Variants in CDK5RAP2 observed in about 807,000 individuals in gnomAD.
The protein encoded by CDK5RAP2 is CDK5 regulatory subunit-associated protein 2.
A neutral mutation model predicts 232.9 loss-of-function variants in CDK5RAP2; 147 were observed. That is an observed-to-expected ratio of 0.63 (90% CI 0.55 to 0.72). The LOEUF is 0.72. Among genes scored for constraint, CDK5RAP2 ranks in the 30% least tolerant of loss-of-function variants. The pLI, the probability that CDK5RAP2 is intolerant of heterozygous loss-of-function variation, is 0.00. For synonymous variants in CDK5RAP2, 833 were observed against 833.7 expected (o/e 1.00, Z 0.01); for missense variants, 2,195 against 2,231.5 (o/e 0.98, Z 0.33).
chr9:120,406,866 A>G (rs2033476912), intron 32 of CDK5RAP2, 146 bp downstream of exon 32: 3 of 657,176 alleles, frequency 4.6e-6, no homozygotes, highest in East Asian at 2.6e-5. Flanking sequence ...ATTAGCAGTC[A>G]GGTCCCCTGG....
chr9:120,432,321 G>A (rs2035329554), intron 25 of CDK5RAP2, among the ~76,000 whole-genome samples: 1 of 152,106 alleles, frequency 6.6e-6, no homozygotes, highest in African/African-American at 2.4e-5. Context: ...GAATAAAAAA[G>A]GTCTGGGCAT....
chr9:120,560,558 T>C (rs1336171932), intron 3 of CDK5RAP2, among the ~76,000 whole-genome samples: 3 of 152,340 alleles, frequency 2.0e-5, no homozygotes, highest in African/African-American at 4.8e-5. Flanking sequence ...CATGAAGTCA[T>C]CAATTTTTAA....
At chr9:120,483,529 C>T (rs1418290646) in intron 14 of CDK5RAP2, among the ~76,000 whole-genome samples, 1 of 152,220 alleles carries the variant, frequency 6.6e-6, no homozygotes, top group Non-Finnish European at 1.5e-5. Flanking sequence ...AGTCTGCTCC[C>T]AGTCAATATT....
At chr9:120,476,902 C>T (rs1258972425) in intron 15 of CDK5RAP2, among the ~76,000 whole-genome samples, 2 of 152,138 alleles carry the variant, frequency 1.3e-5, no homozygotes, top group African/African-American at 2.4e-5. Context: ...GATAGGGAGA[C>T]TTGCTTGAGT....
At chr9:120,527,309 T>G (rs2040947537) in intron 10 of CDK5RAP2, among the ~76,000 whole-genome samples, 1 of 152,176 alleles carries the variant, frequency 6.6e-6, no homozygotes, top group African/African-American at 2.4e-5. Flanking sequence ...ATCTCAATTT[T>G]CTGTTATCCT....
rs999893597 is a variant in CDK5RAP2, at chr9:120,415,042, T to C, written c.4295A>G (p.Gln1432Arg). 13 of 1,614,046 alleles carry C rather than the reference T, an allele frequency of 8.1e-6. No individual in the cohort carries two copies. In the Admixed American group the frequency reaches 1.7e-4, roughly 21 times the overall value. ...QLERQGSEFVQGSTSIFASGS... is the reference protein window; with the variant it reads ...QLERQGSEFVRGSTSIFASGS... ...CCTCCAGGAAGGTCTTTCCTTACCT[T>C]GAACAAATTCAGATCCTTGCCGTTC... Residue 1432 changes from glutamine (Q) to arginine (R), a missense_variant and splice_region_variant, in exon 28 of 38, where the codon CAA (glutamine) becomes CGA (arginine). Coordinates refer to ENST00000349780, the MANE Select transcript of CDK5RAP2 (RefSeq NM_018249.6).
intron 29 of CDK5RAP2, among the ~76,000 whole-genome samples, chr9:120,410,053 T>G (rs1050325980): frequency 1.3e-5 from 2 of 152,180 alleles, no homozygotes; most frequent in Admixed American, 1.3e-4. Flanking sequence ...GCACTACCTG[T>G]GCAGGTGTGA....
intron 23 of CDK5RAP2, among the ~76,000 whole-genome samples, 181 bp downstream of exon 23, chr9:120,443,439 A>G (rs1386173744): frequency 6.6e-6 from 1 of 152,142 alleles, no homozygotes; most frequent in Admixed American, 6.5e-5. Flanking sequence ...TCTCCTACTT[A>G]CCAGCTGGGT....
At chr9:120,410,660 T>A (rs775963453) in intron 29 of CDK5RAP2, among the ~76,000 whole-genome samples, 18 of 152,232 alleles carry the variant, frequency 1.2e-4, no homozygotes, top group Non-Finnish European at 2.5e-4. Flanking sequence ...AATGAGTGAC[T>A]GACAGAGGCC....
In CDK5RAP2 at chr9:120,458,770, G is replaced by A; in HGVS notation, c.2203-148C>T. ...GAGAAACAGAAAAGAAAAGGGGGAG[G>A]AGAAGGAGGAAGAGAGAGAGACACA... On this transcript the variant is annotated intron_variant, in intron 19 of 37. Coordinates refer to ENST00000349780, the MANE Select transcript of CDK5RAP2 (RefSeq NM_018249.6). The A allele has an allele frequency of 4.2e-6, 3 of 715,806 alleles. No homozygotes were observed. The South Asian group carries it at 4.9e-5, about 12-fold the overall frequency. 44.3% of individuals were successfully genotyped at this position (715,806 alleles called of 1,614,324 possible). A position where few individuals can be genotyped will look rare whatever the true frequency, so the allele number is the denominator to read the frequency against.
chr9:120,510,722 G>A (rs971509481), intron 12 of CDK5RAP2, among the ~76,000 whole-genome samples: 2 of 152,204 alleles, frequency 1.3e-5, no homozygotes, highest in African/African-American at 4.8e-5. Context: ...CCCAGTTAGG[G>A]CATAGACTTG....
rs559510537 is a variant in CDK5RAP2, at chr9:120,390,271, G to A, written c.5579-484C>T. 40 of 158,086 alleles carry A rather than the reference G, an allele frequency of 2.5e-4. No homozygotes were observed. The South Asian group carries it at 3.0e-3, about 12-fold the overall frequency. The allele number at this position is 158,086 out of a possible 1,614,324, so 9.8% of individuals were successfully genotyped here. On this transcript the variant is annotated intron_variant, in intron 36 of 37. Transcript: ENST00000349780. ...CCACATATGAGGGTCCAAGTTCTACGAAGCCAGGTTTTTACCCAGCAGCTC... is the reference window on the plus strand; with the variant it reads ...CCACATATGAGGGTCCAAGTTCTACAAAGCCAGGTTTTTACCCAGCAGCTC...
chr9:120,498,066 T>C (rs1313361396), intron 12 of CDK5RAP2, among the ~76,000 whole-genome samples: 1 of 152,200 alleles, frequency 6.6e-6, no homozygotes, highest in Non-Finnish European at 1.5e-5. Context: ...TTATCTCAAG[T>C]AGCAGAACAT....
At chr9:120,521,335 A>G (rs1259800491) in intron 11 of CDK5RAP2, among the ~76,000 whole-genome samples, 1 of 152,172 alleles carries the variant, frequency 6.6e-6, no homozygotes, top group Non-Finnish European at 1.5e-5. Context: ...CCAAGGTTAC[A>G]GTTAGTGATA....
chr9:120,552,641 A>G (rs1380974527), intron 3 of CDK5RAP2, among the ~76,000 whole-genome samples: 1 of 145,132 alleles, frequency 6.9e-6, no homozygotes, highest in Non-Finnish European at 1.5e-5. Flanking sequence ...GGAATTGAAC[A>G]ATGAGAACAC....
chr9:120,408,206 G>A, intron 31 of CDK5RAP2, 141 bp downstream of exon 31: 1 of 934,206 alleles, frequency 1.1e-6, no homozygotes, highest in Non-Finnish European at 1.7e-6. Context: ...GGGTCAAAGA[G>A]CTAGCTTCAA....
intron 3 of CDK5RAP2, among the ~76,000 whole-genome samples, chr9:120,564,859 T>C (rs1351589599): frequency 2.6e-5 from 4 of 152,218 alleles, no homozygotes; most frequent in Admixed American, 2.6e-4. Context: ...GAGATAGCAG[T>C]GTCCAGAACA....
Position 120,466,547 on chromosome 9 carries a change from AT to A in CDK5RAP2, c.2106+1312del, listed in dbSNP as rs562136391. On this transcript the variant is annotated intron_variant, in intron 18 of 37. Coordinates refer to ENST00000349780, the MANE Select transcript of CDK5RAP2 (RefSeq NM_018249.6). ...AAGGACATAATGAGACATTTAACAG[AT>A]TTTTTTTTTAAAGGGCAAATGAACA... 1.5e-3 allele frequency among the ~76,000 whole-genome samples: 227 copies of A among 150,924 alleles called. 1 individual carries two copies. The highest frequency in any genetic ancestry group is 3.8e-3 in the South Asian group (18 of 4,762).
chr9:120,539,194 G>T (rs746541664), intron 5 of CDK5RAP2, 30 bp from the exon 6 acceptor site: 3 of 1,613,310 alleles, frequency 1.9e-6, no homozygotes, highest in Non-Finnish European at 2.5e-6. Context: ...GGTAAAACAT[G>T]CAAGGGTGAT....
Sources: allele counts gnomAD v4.1 joint callset (sites outside exome capture counted in the v4.1 genomes callset), GRCh38; gene constraint gnomAD v4.1.1; transcripts MANE v1.5; gene names NCBI Gene and HGNC (gene_info 2026-07-23, HGNC 2026-07-21).